The following GPC6 variants were observed in gnomAD, a reference collection of about 807,000 sequenced individuals.
GPC6 encodes the protein glypican-6.
In GPC6, 14 loss-of-function variants were observed where a neutral mutation model predicts 55.2. The observed-to-expected ratio is 0.25, with a 90% CI of 0.17 to 0.40. The LOEUF (loss-of-function observed/expected upper bound fraction) is 0.40, where lower values mean the gene tolerates loss of function less well. GPC6 is among the 10% of genes least tolerant of loss of function. GPC6 has a pLI of 1.00. For synonymous variants in GPC6, 278 were observed against 259.6 expected, an observed-to-expected ratio of 1.07 and a Z score of -0.68; for missense variants, 641 against 708.5, an observed-to-expected ratio of 0.90 and a Z score of 1.08.
chr13:93,758,675 T>G (rs1265457614), intron 2 of GPC6, among the ~76,000 whole-genome samples: 2 of 151,918 alleles, frequency 1.3e-5, no homozygotes, highest in African/African-American at 2.4e-5. Flanking sequence ...AAGGGTTATG[T>G]TTTCTTCCTT....
chr13:94,000,864 A>G (rs532588407), intron 3 of GPC6, among the ~76,000 whole-genome samples: 1 of 152,294 alleles, frequency 6.6e-6, no homozygotes, highest in African/African-American at 2.4e-5. Flanking sequence ...CAAGATGCCA[A>G]TGAGCTGGTT....
At chr13:93,421,531 C>T (rs765941898) in intron 1 of GPC6, among the ~76,000 whole-genome samples, 9 of 152,070 alleles carry the variant, frequency 5.9e-5, no homozygotes, top group Non-Finnish European at 1.3e-4. Flanking sequence ...TTAAGAACAA[C>T]GTCGAGCTAT....
At chr13:94,019,784 TCTATTTAATCCA>T (rs1882626444) in intron 3 of GPC6, among the ~76,000 whole-genome samples, 1 of 152,226 alleles carries the variant, frequency 6.6e-6, no homozygotes, top group South Asian at 2.1e-4. Flanking sequence ...TTGTCAGGAT[TCTATTTAATCCA>T]CCACAGCGTA....
Position 94,382,542 on chromosome 13 carries a change from C to G in GPC6, c.1281C>G (p.Ser427Arg). 1.9e-6 allele frequency: 3 copies of G among 1,614,090 alleles called. No homozygotes were observed. The highest frequency in any genetic ancestry group is 2.5e-6 in the Non-Finnish European group (3 of 1,179,994). ...AGGAGGAATGCTGGAACGGGCACAGCAAAGCCAGGTGAGGGTGACTCGATG... is the reference window on the plus strand; with the variant it reads ...AGGAGGAATGCTGGAACGGGCACAGGAAAGCCAGGTGAGGGTGACTCGATG... ...SNEEECWNGHSKARYLPEIMN... is the reference protein window; with the variant it reads ...SNEEECWNGHRKARYLPEIMN... Residue 427 changes from serine (S) to arginine (R), a missense_variant, in exon 7 of 9, where the codon AGC (serine) becomes AGG (arginine). Physicochemically the swap from Ser to Arg is moderately radical, Grantham distance 110. Coordinates refer to ENST00000377047, the MANE Select transcript of GPC6 (RefSeq NM_005708.5).
chr13:94,015,921 C>G (rs562322658), intron 3 of GPC6, among the ~76,000 whole-genome samples: 1 of 152,196 alleles, frequency 6.6e-6, no homozygotes, highest in Admixed American at 6.5e-5. Context: ...GCATAACACT[C>G]TTAGAATTTT....
chr13:93,563,700 T>C (rs909178045), intron 2 of GPC6, among the ~76,000 whole-genome samples: 4 of 150,712 alleles, frequency 2.7e-5, no homozygotes, highest in African/African-American at 9.8e-5. Flanking sequence ...TCCTTGGTAA[T>C]GTCAAGAAAA....
intron 4 of GPC6, among the ~76,000 whole-genome samples, chr13:94,067,863 G>A (rs772058507): frequency 1.3e-5 from 2 of 152,156 alleles, no homozygotes; most frequent in African/African-American, 4.8e-5. Flanking sequence ...CTTAGCAAAA[G>A]ATAAGGATAC....
At chr13:93,545,549 C>A in intron 2 of GPC6, 128 bp downstream of exon 2, 1 of 783,854 alleles carries the variant, frequency 1.3e-6, no homozygotes, top group Non-Finnish European at 2.1e-6. Flanking sequence ...ATAGCATTGT[C>A]TATTTTTAGA....
intron 1 of GPC6, among the ~76,000 whole-genome samples, chr13:93,344,787 G>A (rs1403535275): frequency 6.6e-6 from 1 of 152,164 alleles, no homozygotes; most frequent in Non-Finnish European, 1.5e-5. Context: ...GCCTCACTCA[G>A]GATTGCTAAT....
At chr13:93,320,329 C>T (rs567000329) in intron 1 of GPC6, among the ~76,000 whole-genome samples, 2 of 152,016 alleles carry the variant, frequency 1.3e-5, no homozygotes, top group African/African-American at 4.8e-5. Flanking sequence ...ATTCTTTTAA[C>T]TACATTTTAA....
At chr13:93,343,672 A>G (rs1296772415) in intron 1 of GPC6, among the ~76,000 whole-genome samples, 1 of 152,178 alleles carries the variant, frequency 6.6e-6, no homozygotes, top group Non-Finnish European at 1.5e-5. Flanking sequence ...CCTCTACAAT[A>G]TCTCCTATAG....
In GPC6 at chr13:93,564,658, T is replaced by C. The variant is rs963432122; in HGVS notation, c.319+19237T>C. 3.3e-5 allele frequency among the ~76,000 whole-genome samples: 5 copies of C among 152,318 alleles called. No individual in the cohort carries two copies. In the East Asian group the frequency reaches 9.6e-4, roughly 29 times the overall value. ...TTCTAATTTCAGTGAAATAATTTTT[T>C]TTCCCTTCTTCTGAAGAACACTTTT... On this transcript the variant is annotated intron_variant, in intron 2 of 8. Transcript: ENST00000377047.
rs762261930 is a variant in GPC6 at position 94,208,753 on chromosome 13, CA to C, written c.878-77570del. 7.2e-3 allele frequency among the ~76,000 whole-genome samples: 261 copies of C among 36,238 alleles called. 2 individuals are homozygous for C. In the East Asian group the frequency reaches 0.086, roughly 12 times the overall value. 23.8% of individuals were successfully genotyped at this position (36,238 alleles called of 152,430 possible). ...GCAGCAAAGCAAGACTCCCATCTCC[CA>C]AAAAAAAAAAAAAAAAAAAAAAAAA... On this transcript the variant is annotated intron_variant, in intron 4 of 8. Coordinates refer to ENST00000377047, the MANE Select transcript of GPC6 (RefSeq NM_005708.5).
chr13:93,525,360 T>G (rs1005592703), intron 1 of GPC6, among the ~76,000 whole-genome samples: 1 of 151,946 alleles, frequency 6.6e-6, no homozygotes, highest in African/African-American at 2.4e-5. Context: ...TCTCACAAAA[T>G]GTGCTATCAA....
chr13:93,463,986 A>G (rs1004107696), intron 1 of GPC6, among the ~76,000 whole-genome samples: 2 of 146,530 alleles, frequency 1.4e-5, no homozygotes, highest in African/African-American at 4.9e-5. Context: ...CAATTATCAA[A>G]ATAATTAAGT....
At chr13:93,459,014 A>G (rs1878578188) in intron 1 of GPC6, among the ~76,000 whole-genome samples, 1 of 152,186 alleles carries the variant, frequency 6.6e-6, no homozygotes, top group Non-Finnish European at 1.5e-5. Flanking sequence ...GACGTTCTTC[A>G]TATAATTTTA....
intron 4 of GPC6, among the ~76,000 whole-genome samples, chr13:94,253,009 A>G (rs1470806352): frequency 6.6e-6 from 1 of 151,906 alleles, no homozygotes; most frequent in Non-Finnish European, 1.5e-5. Context: ...TAAAGTTTAG[A>G]CTGGTGTCAG....
intron 4 of GPC6, among the ~76,000 whole-genome samples, chr13:94,088,171 C>T (rs975688401): frequency 6.6e-6 from 1 of 152,092 alleles, no homozygotes; most frequent in Admixed American, 6.6e-5. Context: ...CCTAGGAGCT[C>T]TAGTTCAATA....
intron 3 of GPC6, among the ~76,000 whole-genome samples, chr13:93,938,463 A>G (rs1878553332): frequency 6.6e-6 from 1 of 152,210 alleles, no homozygotes; most frequent in South Asian, 2.1e-4. Flanking sequence ...CTACCATGTT[A>G]TTCTAACAAT....
Sources: allele counts gnomAD v4.1 joint callset (sites outside exome capture counted in the v4.1 genomes callset), GRCh38; gene constraint gnomAD v4.1.1; transcripts MANE v1.5; gene names NCBI Gene and HGNC (gene_info 2026-07-23, HGNC 2026-07-21).